Variants in PRPF8 observed in about 807,000 individuals in gnomAD.
PRPF8 encodes pre-mRNA processing factor 8.
Under a neutral mutation model 285.9 loss-of-function variants are expected in PRPF8, and 64 were observed. The observed-to-expected ratio is 0.22, with a 90% CI of 0.18 to 0.28. The LOEUF (loss-of-function observed/expected upper bound fraction) is 0.28, where lower values mean the gene tolerates loss of function less well. PRPF8 is among the 10% of genes least tolerant of loss of function. The pLI, the probability that PRPF8 is intolerant of heterozygous loss-of-function variation, is 1.00. For synonymous variants in PRPF8, 1,325 were observed against 1,118.2 expected (o/e 1.18, Z -3.69); for missense variants, 1,426 against 3,026.7 (o/e 0.47, Z 12.41).
intron 24 of PRPF8, among the ~76,000 whole-genome samples, chr17:1,662,560 G>C (rs1911723489): frequency 1.3e-5 from 2 of 150,114 alleles, no homozygotes; most frequent in Non-Finnish European, 2.9e-5. Context: ...CTGCATTCCA[G>C]CCTGGGCAAC....
At position 1,675,714 on chromosome 17, in the gene PRPF8, C is replaced by T. The variant is rs1912573689; in HGVS notation, c.2778G>A (p.Leu926=). The part of the protein sequence containing the change: ...KITDAYLDQY[L]WYEADKRRLF... ...GGCGGCGCTTGTCGGCTTCATACCA[C>T]AGGTACTGGTCCAGGTAAGCATCAG... The change falls in exon 19 of 43, where the codon CTG becomes CTA. Residue 926 remains leucine (L), a synonymous_variant. Coordinates refer to ENST00000304992, the MANE Select transcript of PRPF8 (RefSeq NM_006445.4). This position sits in a 1 kb window ranked among gnomAD's most constrained non-coding sequence, Gnocchi z 6.0. 1 of 1,614,028 alleles carries T rather than the reference C, an allele frequency of 6.2e-7. No individual in the cohort carries two copies. The highest frequency in any genetic ancestry group is 1.3e-5 in the African/African-American group (1 of 74,900).
intron 24 of PRPF8, among the ~76,000 whole-genome samples, chr17:1,672,468 C>T (rs1034514860): frequency 1.3e-5 from 2 of 152,136 alleles, no homozygotes; most frequent in Non-Finnish European, 1.5e-5. Flanking sequence ...TTAGCAGAGA[C>T]GAGGTTTCAG....
chr17:1,669,211 A>G lies in PRPF8; in HGVS notation c.3774+3870T>C, dbSNP rs183330963. On this transcript the variant is annotated intron_variant, in intron 24 of 42. Coordinates refer to ENST00000304992, the MANE Select transcript of PRPF8 (RefSeq NM_006445.4). ...AACCTCTACCTCCCGGGTTCAAGCA[A>G]TTCTCCTGCCTCAGCCTCCCGAGTA... Among the ~76,000 whole-genome samples, 1,099 of 152,232 alleles carry G rather than the reference A, an allele frequency of 7.2e-3. 10 individuals are homozygous for G. The highest frequency in any genetic ancestry group is 0.012 in the Non-Finnish European group (850 of 68,014).
In PRPF8 at chr17:1,679,635, G is replaced by A. The variant is rs886052615; in HGVS notation, c.1263C>T (p.Ala421=). 2 of 1,613,696 alleles carry A rather than the reference G, an allele frequency of 1.2e-6. No homozygotes were observed. The highest frequency in any genetic ancestry group is 1.7e-6 in the Non-Finnish European group (2 of 1,180,010). Residue 421 remains alanine (A), a synonymous_variant, in exon 9 of 43, where the codon GCC becomes GCT. Coordinates refer to ENST00000304992, the MANE Select transcript of PRPF8 (RefSeq NM_006445.4). This position sits in a 1 kb window ranked among gnomAD's most constrained non-coding sequence, Gnocchi z 4.7. ...FNLRSGRTRR[A]LDIPLVKNWY... The stretch of plus-strand genomic sequence containing the variant: ...AGTTCTTGACAAGGGGTATGTCCAG[G>A]GCCCGACGGGTGCGACCAGAGCGTA...
rs147326078 is a variant in PRPF8, at chr17:1,679,101, G to A, written c.1515C>T (p.Asn505=). ...QVCRQGYNML[N]LLIHRKNLNY... Reference sequence around the variant, plus strand: ...TGAGGTTTTTGCGGTGAATGAGAAGGTTGAGCATGTTGTAGCCCTGGCGGC... The same window carrying A: ...TGAGGTTTTTGCGGTGAATGAGAAGATTGAGCATGTTGTAGCCCTGGCGGC... The change falls in exon 11 of 43, where the codon AAC becomes AAT. Residue 505 remains asparagine, a synonymous_variant. Transcript: ENST00000304992. This position sits in a 1 kb window ranked among gnomAD's most constrained non-coding sequence, Gnocchi z 4.7. 98 of 1,614,044 alleles carry A rather than the reference G, an allele frequency of 6.1e-5. No individual in the cohort carries two copies. Among genetic ancestry groups the A allele is most frequent in the Non-Finnish European group, 8.1e-5 (96 of 1,180,028 alleles).
At chr17:1,671,600 C>T (rs1475013022) in intron 24 of PRPF8, among the ~76,000 whole-genome samples, 4 of 152,064 alleles carry the variant, frequency 2.6e-5, no homozygotes, top group African/African-American at 9.7e-5. Context: ...GCCTGTAATC[C>T]CAGTACTTTG....
At chr17:1,678,185 C>T (rs1030848997) in intron 13 of PRPF8, among the ~76,000 whole-genome samples, 3 of 152,066 alleles carry the variant, frequency 2.0e-5, no homozygotes, top group East Asian at 1.9e-4. Context: ...CATGGTGGTG[C>T]GCGCCTGTAG....
chr17:1,681,728 C>T, intron 5 of PRPF8, 38 bp from the exon 6 acceptor site: 3 of 1,611,056 alleles, frequency 1.9e-6, no homozygotes, highest in Non-Finnish European at 2.5e-6. Context: ...AAGTAAGCAG[C>T]TAGACAAACC....
Position 1,681,921 on chromosome 17 carries a change from A to C in PRPF8, c.552T>G (p.Asp184Glu), listed in dbSNP as rs2151131946. The C allele has an allele frequency of 6.2e-7, 1 of 1,613,172 alleles. No individual in the cohort carries two copies. Among genetic ancestry groups the C allele is most frequent in the African/African-American group, 1.3e-5 (1 of 74,572 alleles). ...PPLDYADNILDVEPLEAIQLE... is the reference protein window; with the variant it reads ...PPLDYADNILEVEPLEAIQLE... ...GCTGAATGGCCTCCAGTGGCTCAAC[A>C]TCTAGGATGTTGTCAGCATAGTCCA... The change falls in exon 5 of 43, where the codon GAT becomes GAG. Residue 184 changes from aspartate (D) to glutamate (E), a missense_variant. Transcript: ENST00000304992.
At chr17:1,654,519 G>C (rs754343991) in intron 37 of PRPF8, 2 of 236,892 alleles carry the variant, frequency 8.4e-6, no homozygotes, top group Admixed American at 1.0e-4. Flanking sequence ...GTTTGAAATG[G>C]CAACAGTGAG....
Position 1,676,172 on chromosome 17 carries a change from C to T in PRPF8, c.2552+35G>A. ...GGATGACGCCATTCCCTGCTGTCAC[C>T]TTCCCAGCAGGAACCTATCTACCCT... On this transcript the variant is annotated intron_variant, in intron 17 of 42. Coordinates refer to ENST00000304992, the MANE Select transcript of PRPF8 (RefSeq NM_006445.4). This position sits in a 1 kb window ranked among gnomAD's most constrained non-coding sequence, Gnocchi z 6.3. 2 of 1,612,700 alleles carry T rather than the reference C, an allele frequency of 1.2e-6. No homozygotes were observed. The highest frequency in any genetic ancestry group is 1.7e-6 in the Non-Finnish European group (2 of 1,179,950).
intron 29 of PRPF8, 38 bp downstream of exon 29, chr17:1,660,660 G>A: frequency 6.2e-7 from 1 of 1,614,214 alleles, no homozygotes; most frequent in Non-Finnish European, 8.5e-7. Context: ...AGCAGCAACT[G>A]TCTTTAGCTT....
chr17:1,662,790 C>T (rs918939480), intron 24 of PRPF8, among the ~76,000 whole-genome samples: 13 of 147,030 alleles, frequency 8.8e-5, no homozygotes, highest in African/African-American at 2.8e-4. Flanking sequence ...GAGATCGCAC[C>T]ACTGCACTCC....
intron 12 of PRPF8, 50 bp downstream of exon 12, chr17:1,678,712 C>CT: frequency 6.2e-7 from 1 of 1,614,150 alleles, no homozygotes; most frequent in Non-Finnish European, 8.5e-7. Flanking sequence ...TCAGCACAGG[C>CT]TTCCTCCAGC....
rs375971668 is a variant in PRPF8 at position 1,661,561 on chromosome 17, G to A, written c.4202+50C>T. 154 of 1,611,192 alleles carry A rather than the reference G, an allele frequency of 9.6e-5. No individual in the cohort carries two copies. Among genetic ancestry groups the A allele is most frequent in the Middle Eastern group, 4.1e-4 (2 of 4,832 alleles). On this transcript the variant is annotated intron_variant, in intron 26 of 42. Transcript: ENST00000304992. The surrounding 1 kb of genome is among the most constrained non-coding windows in gnomAD (Gnocchi z 7.3). The stretch of plus-strand genomic sequence containing the variant: ...GACCCTGAACTCCACACGGTTCAAA[G>A]GCCACCACTGCCCCTGCCCCAGGGT...
chr17:1,651,056 C>A lies in PRPF8; in HGVS notation c.6853+52G>T. ...AGGCCCCAAGTGCAAAGGGCGATGGCCTCACCTTATCCCTACTGCTATCCC... is the reference window on the plus strand; with the variant it reads ...AGGCCCCAAGTGCAAAGGGCGATGGACTCACCTTATCCCTACTGCTATCCC... On this transcript the variant is annotated intron_variant, in intron 42 of 42. Coordinates refer to ENST00000304992, the MANE Select transcript of PRPF8 (RefSeq NM_006445.4). This position sits in a 1 kb window ranked among gnomAD's most constrained non-coding sequence, Gnocchi z 5.1. 6.2e-7 allele frequency: 1 copy of A among 1,613,798 alleles called. No homozygotes were observed.
rs1567678849 is a variant in PRPF8, at chr17:1,659,427, C to T, written c.5068G>A (p.Asp1690Asn). ...ARAKFLDYTT[D>N]NMSIYPSPTG... ...GGCGAAGGGTAGATACTCATGTTGT[C>T]GGTGGTGTAGTCCAGGAACTTGGCC... Residue 1690 changes from aspartate to asparagine, a missense_variant, in exon 32 of 43, where the codon GAC becomes AAC. Asp to Asn is a conservative substitution (Grantham distance 23, BLOSUM62 1). Around this residue, in one of 34 missense-constraint regions of PRPF8, gnomAD observed 74 missense variants for 161.8 expected, o/e 0.46. Coordinates refer to ENST00000304992, the MANE Select transcript of PRPF8 (RefSeq NM_006445.4). The surrounding 1 kb of genome is among the most constrained non-coding windows in gnomAD (Gnocchi z 5.1). 1 of 1,614,016 alleles carries T rather than the reference C, an allele frequency of 6.2e-7. No individual in the cohort carries two copies.
Position 1,684,782 on chromosome 17 carries a change from C to A in PRPF8, c.-14G>T. The A allele has an allele frequency of 1.6e-6, 1 of 608,270 alleles. No homozygotes were observed. The highest frequency in any genetic ancestry group is 2.9e-5 in the Admixed American group (1 of 34,698). 37.7% of individuals were successfully genotyped at this position (608,270 alleles called of 1,614,324 possible). On this transcript the variant is annotated splice_region_variant and 5_prime_UTR_variant, in exon 1 of 43. Coordinates refer to ENST00000304992, the MANE Select transcript of PRPF8 (RefSeq NM_006445.4). ...GGCCTTAAACGCCTGCCACGCACCC[C>A]ACAGGCCCTCACACAAGAGGCCGCT... is the stretch of plus-strand genomic sequence containing the variant.
chr17:1,663,624 G>A (rs560424899), intron 24 of PRPF8, among the ~76,000 whole-genome samples: 1 of 144,526 alleles, frequency 6.9e-6, no homozygotes, highest in East Asian at 2.1e-4. Flanking sequence ...TAGAAGAATC[G>A]CTTGAACTCG....
Sources: gnomAD v4.1 joint callset for allele counts (sites outside exome capture counted in the v4.1 genomes callset) on GRCh38, gnomAD v4.1.1 for gene constraint, gnomAD v4.1.1 regional missense constraint, Gnocchi (gnomAD v3.1) non-coding constraint, MANE v1.5 for transcripts, NCBI Gene and HGNC (gene_info 2026-07-23, HGNC 2026-07-21) for gene names.